The following TBC1D1 variants were observed in gnomAD, a reference collection of about 807,000 sequenced individuals.
The protein encoded by TBC1D1 is TBC1 domain family member 1, also known as TBC1 (tre-2/USP6, BUB2, cdc16) domain family, member 1.
TBC1D1 carries 89 observed loss-of-function variants against 125.6 expected under a neutral mutation model. That is an observed-to-expected ratio of 0.71 (90% CI 0.60 to 0.85). The LOEUF (loss-of-function observed/expected upper bound fraction) is 0.85, where lower values mean the gene tolerates loss of function less well. Ranked by LOEUF, TBC1D1 falls within the 40% of genes least tolerant of loss-of-function variation. TBC1D1 has a pLI of 0.00. For synonymous variants in TBC1D1, 565 were observed against 564.1 expected, an observed-to-expected ratio of 1.00 and a Z score of -0.02; for missense variants, 1,377 against 1,469.2, an observed-to-expected ratio of 0.94 and a Z score of 1.03.
At chr4:37,912,994 G>A (rs2152255460) in intron 2 of TBC1D1, among the ~76,000 whole-genome samples, 1 of 152,312 alleles carries the variant, frequency 6.6e-6, no homozygotes, top group Non-Finnish European at 1.5e-5. Flanking sequence ...GGAATAGAGG[G>A]ATGAGAGACA....
chr4:37,921,109 CAAAAAAA>C (rs1188232681), intron 2 of TBC1D1, among the ~76,000 whole-genome samples: 13 of 71,992 alleles, frequency 1.8e-4, no homozygotes, highest in Admixed American at 9.6e-4. Context: ...GACTCCGTCT[CAAAAAAA>C]AAAAAAAAAA....
chr4:38,119,461 T>C (rs1054934861), intron 17 of TBC1D1, among the ~76,000 whole-genome samples: 1 of 152,010 alleles, frequency 6.6e-6, no homozygotes, highest in African/African-American at 2.4e-5. Flanking sequence ...TACAAAAAGC[T>C]ATCTCCTGGT....
At chr4:38,019,574 G>A (rs1743554483) in intron 4 of TBC1D1, among the ~76,000 whole-genome samples, 1 of 152,154 alleles carries the variant, frequency 6.6e-6, no homozygotes, top group Admixed American at 6.5e-5. Flanking sequence ...CCTAAAGAGT[G>A]TAGTTTACAA....
intron 2 of TBC1D1, among the ~76,000 whole-genome samples, chr4:38,003,379 T>C (rs1402442544): frequency 6.6e-6 from 1 of 152,176 alleles, no homozygotes; most frequent in Non-Finnish European, 1.5e-5. Context: ...ATATTTGAGA[T>C]TGCCGGAAAG....
At chr4:38,121,200 G>A (rs928148101) in intron 17 of TBC1D1, among the ~76,000 whole-genome samples, 7 of 152,266 alleles carry the variant, frequency 4.6e-5, no homozygotes, top group South Asian at 2.1e-4. Flanking sequence ...AGAATGTAGC[G>A]GAGCCACGAC....
At chr4:37,926,067 A>C (rs1456558719) in intron 2 of TBC1D1, among the ~76,000 whole-genome samples, 1 of 152,256 alleles carries the variant, frequency 6.6e-6, no homozygotes, top group East Asian at 1.9e-4. Context: ...CATCATTAGA[A>C]GAAAATGCTC....
chr4:37,927,005 G>A (rs142666504), intron 2 of TBC1D1, among the ~76,000 whole-genome samples: 1 of 152,224 alleles, frequency 6.6e-6, no homozygotes, highest in East Asian at 1.9e-4. Context: ...TAACCCCAAT[G>A]TAATTCTCGT....
At chr4:38,068,816 C>G (rs1326339721) in intron 12 of TBC1D1, among the ~76,000 whole-genome samples, 1 of 152,216 alleles carries the variant, frequency 6.6e-6, no homozygotes, top group Admixed American at 6.5e-5. Flanking sequence ...AGAACATTCC[C>G]TTATCCCAGA....
intron 2 of TBC1D1, among the ~76,000 whole-genome samples, chr4:37,982,399 G>C (rs1734509141): frequency 1.3e-5 from 2 of 152,098 alleles, no homozygotes; most frequent in Non-Finnish European, 1.5e-5. Flanking sequence ...CATTTTATTA[G>C]TGGATGCTTG....
In TBC1D1 at chr4:37,902,445, T is replaced by G; in HGVS notation, c.350T>G (p.Leu117Arg). The change falls in exon 2 of 20, where the codon CTG becomes CGG. Residue 117 changes from leucine to arginine, a missense_variant. This residue lies in a region of TBC1D1 where 822 missense variants were observed against 824.6 expected (regional missense o/e 1.00). Coordinates refer to ENST00000261439, the MANE Select transcript of TBC1D1 (RefSeq NM_015173.4). ...CATGACCCAAGTTACTTTGCTTGTC[T>G]GATTAAGGAAGACGCTGTCCACCGG... 6.2e-7 allele frequency: 1 copy of G among 1,614,156 alleles called. No individual in the cohort carries two copies. The highest frequency in any genetic ancestry group is 1.7e-5 in the Admixed American group (1 of 60,028).
At chr4:37,919,352 T>G (rs924043218) in intron 2 of TBC1D1, among the ~76,000 whole-genome samples, 19 of 151,262 alleles carry the variant, frequency 1.3e-4, no homozygotes, top group African/African-American at 3.4e-4. Context: ...TTTTTTTTTT[T>G]TTTGGTATTT....
At chr4:38,113,413 G>A (rs543477084) in intron 15 of TBC1D1, among the ~76,000 whole-genome samples, 11 of 152,220 alleles carry the variant, frequency 7.2e-5, no homozygotes, top group Non-Finnish European at 1.2e-4. Context: ...GTGTCAATTA[G>A]CATGGGCTCT....
At chr4:38,073,399 T>G (rs560952132) in intron 12 of TBC1D1, among the ~76,000 whole-genome samples, 1 of 152,356 alleles carries the variant, frequency 6.6e-6, no homozygotes, top group African/African-American at 2.4e-5. Flanking sequence ...TAAGTTTTTA[T>G]TATAAAATAA....
chr4:37,940,436 G>T (rs1309739619), intron 2 of TBC1D1, among the ~76,000 whole-genome samples: 1 of 152,124 alleles, frequency 6.6e-6, no homozygotes, highest in African/African-American at 2.4e-5. Flanking sequence ...GAGACGATGG[G>T]GTTATCTAGA....
chr4:37,959,692 A>G (rs1201723845), intron 2 of TBC1D1, among the ~76,000 whole-genome samples: 1 of 152,244 alleles, frequency 6.6e-6, no homozygotes, highest in East Asian at 1.9e-4. Context: ...AGTGCCCTCA[A>G]CTTATCTCTA....
chr4:38,102,704 C>A (rs1358239298), intron 14 of TBC1D1, among the ~76,000 whole-genome samples: 1 of 151,676 alleles, frequency 6.6e-6, no homozygotes. Flanking sequence ...CATAGTGAGA[C>A]CCTGTCTCTA....
At chr4:38,090,204 A>T in intron 13 of TBC1D1, 87 bp downstream of exon 15, 6 of 1,305,038 alleles carry the variant, frequency 4.6e-6, no homozygotes, top group South Asian at 1.3e-5. Context: ...GCTGTCTTAA[A>T]AATACAGCAG....
chr4:38,049,816 C>G lies in TBC1D1; in HGVS notation c.1828C>G (p.Pro610Ala). Residue 610 changes from proline (P) to alanine (A), a missense_variant, in exon 11 of 20, where the codon CCT becomes GCT. Around this residue, in one of 3 missense-constraint regions of TBC1D1, gnomAD observed 822 missense variants for 824.6 expected, o/e 1.00. Transcript: ENST00000261439. ...CATCGAATGCCAGGAACCTCCACAA[C>G]CTGCCCGGGGGTCCCCGGGGGTTTC... is the stretch of plus-strand genomic sequence containing the variant. 1 of 1,614,166 alleles carries G rather than the reference C, an allele frequency of 6.2e-7. No individual in the cohort carries two copies. Among genetic ancestry groups the G allele is most frequent in the East Asian group, 2.2e-5 (1 of 44,872 alleles).
chr4:38,126,854 C>CT (rs1578845593), intron 18 of TBC1D1, among the ~76,000 whole-genome samples: 2 of 152,306 alleles, frequency 1.3e-5, no homozygotes, highest in Non-Finnish European at 2.9e-5. Context: ...CCTCAAAGTG[C>CT]TTTAGCAGCT....
Sources: allele counts gnomAD v4.1 joint callset (sites outside exome capture counted in the v4.1 genomes callset), GRCh38; gene constraint gnomAD v4.1.1; regional missense constraint gnomAD v4.1.1; transcripts MANE v1.5; gene names NCBI Gene and HGNC (gene_info 2026-07-23, HGNC 2026-07-21).